The following HOXB3 variants were observed in gnomAD, a reference collection of about 807,000 sequenced individuals.
HOXB3 encodes the protein homeobox B3, also known as homeobox protein Hox-B3.
A neutral mutation model predicts 29.2 loss-of-function variants in HOXB3; 17 were observed. The ratio of observed to expected loss-of-function variants is 0.58; its 90% CI spans 0.40 to 0.87. The LOEUF (loss-of-function observed/expected upper bound fraction) is 0.87. HOXB3 is among the 40% of genes least tolerant of loss of function. The pLI is 0.00. For synonymous variants in HOXB3, 317 were observed against 285.9 expected (o/e 1.11, Z -1.10); for missense variants, 637 against 616.3 (o/e 1.03, Z -0.35).
chr17:48,565,580 T>C (rs917532545), intron 2 of HOXB3, among the ~76,000 whole-genome samples: 1 of 152,262 alleles, frequency 6.6e-6, no homozygotes, highest in African/African-American at 2.4e-5. Flanking sequence ...TTCAGTGAAT[T>C]TGAATTGAGC....
chr17:48,583,379 G>A (rs912079425), intron 1 of HOXB3, among the ~76,000 whole-genome samples: 2 of 152,160 alleles, frequency 1.3e-5, no homozygotes, highest in Non-Finnish European at 2.9e-5. Context: ...GATCAAGAAG[G>A]CATTTAAAAT....
intron 2 of HOXB3, among the ~76,000 whole-genome samples, chr17:48,572,938 G>A (rs2069634563): frequency 6.6e-6 from 1 of 152,056 alleles, no homozygotes; most frequent in Non-Finnish European, 1.5e-5. Flanking sequence ...TGAGCTAATC[G>A]CCTAGAAAAC....
intron 4 of HOXB3, 102 bp from the exon 5 acceptor site, chr17:48,551,283 T>C (rs1194642487): frequency 1.7e-6 from 2 of 1,202,256 alleles, no homozygotes; most frequent in East Asian, 3.8e-5. Flanking sequence ...AATCCAGGCC[T>C]GGACTCAGAG....
chr17:48,566,869 C>A (rs1420838855), intron 2 of HOXB3, among the ~76,000 whole-genome samples: 3 of 152,178 alleles, frequency 2.0e-5, no homozygotes. Flanking sequence ...AGAAGTAGAA[C>A]TGCTTGCCTC....
At chr17:48,571,317 G>A (rs34822124) in intron 2 of HOXB3, among the ~76,000 whole-genome samples, 18 of 152,172 alleles carry the variant, frequency 1.2e-4, no homozygotes, top group African/African-American at 3.9e-4. Flanking sequence ...CCCAGCTGCC[G>A]CTTCCCAGGG....
chr17:48,557,170 C>CCTAA (rs559401502), intron 2 of HOXB3: 2 of 152,404 alleles, frequency 1.3e-5, no homozygotes, highest in Non-Finnish European at 2.9e-5. Flanking sequence ...TGCAACTCTG[C>CCTAA]CTAACTGCTG....
At chr17:48,587,103 A>T (rs1337129535) in intron 1 of HOXB3, among the ~76,000 whole-genome samples, 1 of 152,112 alleles carries the variant, frequency 6.6e-6, no homozygotes, top group Non-Finnish European at 1.5e-5. Context: ...CCTTGCTGAG[A>T]ACTCCAGGGG....
Position 48,566,088 on chromosome 17 carries a change from T to C in HOXB3, c.-247+7749A>G, listed in dbSNP as rs1204712179. 2.0e-5 allele frequency among the ~76,000 whole-genome samples: 3 copies of C among 152,116 alleles called. No individual in the cohort carries two copies. In the East Asian group the frequency reaches 5.8e-4, roughly 29 times the overall value. On this transcript the variant is annotated intron_variant, in intron 2 of 4. Transcript: ENST00000498678. ...AGGGGAGAAGACAGAGTCAGCAGCT[T>C]TCTTAGAGCTCTGTCTACCAGATGC...
At chr17:48,573,756 G>T in intron 2 of HOXB3, 81 bp downstream of exon 2, 2 of 663,230 alleles carry the variant, frequency 3.0e-6, no homozygotes, top group South Asian at 3.2e-5. Flanking sequence ...AGGAAGAGGC[G>T]AGAGAGTGTT....
chr17:48,574,177 T>C (rs2069681224), intron 1 of HOXB3, 163 bp from the exon 2 acceptor site: 1 of 311,442 alleles, frequency 3.2e-6, no homozygotes, highest in Admixed American at 4.7e-5. Flanking sequence ...TATTCATACC[T>C]TCCAAAGAGC....
Position 48,550,269 on chromosome 17 carries a change from G to GC in HOXB3, c.*64dup, listed in dbSNP as rs2068663778. On this transcript the variant is annotated 3_prime_UTR_variant, in exon 5 of 5. Transcript: ENST00000498678. Reference sequence around the variant, plus strand: ...GCTCCTCTTTTCAGACCTCCAGGTTGCCCCCCAGAGCTCCACAGTCTCTCT... The same window carrying GC: ...GCTCCTCTTTTCAGACCTCCAGGTTGCCCCCCCAGAGCTCCACAGTCTCTCT... 6 of 1,601,462 alleles carry GC rather than the reference G, an allele frequency of 3.7e-6. No individual in the cohort carries two copies. The highest frequency in any genetic ancestry group is 2.1e-4 in the Middle Eastern group (1 of 4,748).
In HOXB3 at chr17:48,552,238, G is replaced by A; in HGVS notation, c.237C>T (p.Ala79=). The change falls in exon 4 of 5, where the codon GCC becomes GCT. Residue 79 remains alanine, a synonymous_variant. Coordinates refer to ENST00000498678, the MANE Select transcript of HOXB3 (RefSeq NM_001384749.1). ...CAGGCGGGGCCGACAGGGGCTCGGG[G>A]GCCAGACCCGGCCTCATGCAGCTGC... The part of the protein sequence containing the change: ...LNGSCMRPGL[A]PEPLSAPPGS... 6.2e-7 allele frequency: 1 copy of A among 1,612,826 alleles called. No individual in the cohort carries two copies. The highest frequency in any genetic ancestry group is 8.5e-7 in the Non-Finnish European group (1 of 1,179,746).
At position 48,552,238 on chromosome 17, in the gene HOXB3, G is replaced by T; in HGVS notation, c.237C>A (p.Ala79=). ...CAGGCGGGGCCGACAGGGGCTCGGG[G>T]GCCAGACCCGGCCTCATGCAGCTGC... ...LNGSCMRPGL[A]PEPLSAPPGS... Residue 79 remains alanine, a synonymous_variant, in exon 4 of 5, where the codon GCC becomes GCA. Transcript: ENST00000498678. 1 of 1,612,826 alleles carries T rather than the reference G, an allele frequency of 6.2e-7. No individual in the cohort carries two copies.
chr17:48,568,529 C>T (rs1002880243), intron 2 of HOXB3, among the ~76,000 whole-genome samples: 2 of 152,006 alleles, frequency 1.3e-5, no homozygotes, highest in South Asian at 2.1e-4. Flanking sequence ...CTCTCCCGGC[C>T]GGCCGCAGAA....
At chr17:48,589,967 C>T (rs2070118530) in intron 1 of HOXB3, among the ~76,000 whole-genome samples, 158 bp downstream of exon 1, 1 of 152,086 alleles carries the variant, frequency 6.6e-6, no homozygotes, top group Non-Finnish European at 1.5e-5. Flanking sequence ...AAACTGAGAG[C>T]ACTCATTTCA....
At chr17:48,578,435 G>T in intron 1 of HOXB3, 1 of 1,368,394 alleles carries the variant, frequency 7.3e-7, no homozygotes, top group South Asian at 1.4e-5. Context: ...AGGCGCCCAC[G>T]TGATCCTCCG....
chr17:48,555,808 G>A (rs955809156), intron 2 of HOXB3, among the ~76,000 whole-genome samples, 190 bp from the exon 3 acceptor site: 1 of 152,058 alleles, frequency 6.6e-6, no homozygotes, highest in African/African-American at 2.4e-5. Context: ...TGGGGGAGCG[G>A]GAAAAAAAAT....
In HOXB3 at chr17:48,555,379, AGGGAGGGAGG is replaced by A. The variant is rs2068940618; in HGVS notation, c.-159+142_-159+151del. 7.6e-6 allele frequency: 4 copies of A among 526,192 alleles called. No individual in the cohort carries two copies. The African/African-American group carries it at 9.9e-5, about 13-fold the overall frequency. 32.6% of individuals were successfully genotyped at this position (526,192 alleles called of 1,614,324 possible). A position where few individuals can be genotyped will look rare whatever the true frequency, so the allele number is the denominator to read the frequency against. ...GAGAGAGAGAGGGAGGGAGGGAGGG[AGGGAGGGAGG>A]GAGAGAGAGAGTCGCTGCGTGGAAG... On this transcript the variant is annotated intron_variant, in intron 3 of 4. Transcript: ENST00000498678.
At chr17:48,563,704 A>G (rs2069281170) in intron 2 of HOXB3, among the ~76,000 whole-genome samples, 1 of 152,164 alleles carries the variant, frequency 6.6e-6, no homozygotes, top group African/African-American at 2.4e-5. Context: ...CTGAAGCCAT[A>G]AATCACCCCC....
Sources: gnomAD v4.1 joint callset for allele counts (sites outside exome capture counted in the v4.1 genomes callset) on GRCh38, gnomAD v4.1.1 for gene constraint, MANE v1.5 for transcripts, NCBI Gene and HGNC (gene_info 2026-07-23, HGNC 2026-07-21) for gene names.